C9orf153: variants seen among roughly 807,000 people sequenced by gnomAD.
C9orf153 encodes chromosome 9 open reading frame 153.
In C9orf153, 10 loss-of-function variants were observed where a neutral mutation model predicts 9.0. The ratio of observed to expected loss-of-function variants is 1.11; its 90% CI spans 0.69 to 1.89. The LOEUF (loss-of-function observed/expected upper bound fraction) is 1.89. C9orf153 is among the 40% of genes most tolerant of loss of function. The pLI is 0.00. For synonymous variants in C9orf153, 35 were observed against 37.3 expected (o/e 0.94, Z 0.23); for missense variants, 108 against 111.0 (o/e 0.97, Z 0.12).
chr9:86,251,942 C>CACACACACACACACACACACACGA lies in C9orf153; in HGVS notation c.-27+7607_-27+7608insTCGTGTGTGTGTGTGTGTGTGTGT, dbSNP rs367793280. Among the ~76,000 whole-genome samples, 597 of 149,670 alleles carry CACACACACACACACACACACACGA rather than the reference C, an allele frequency of 4.0e-3. 5 individuals carry two copies. The highest frequency in any genetic ancestry group is 0.014 in the African/African-American group (564 of 40,136). ...ACACACACACACACACACACACACACGAGAGAGAGAGAGGAGAGGGGGAGA... is the reference window on the plus strand; with the variant it reads ...ACACACACACACACACACACACACACACACACACACACACACACACACGAGAGAGAGAGAGAGGAGAGGGGGAGA... On this transcript the variant is annotated intron_variant, in intron 1 of 3. Coordinates refer to ENST00000339137, the MANE Select transcript of C9orf153 (RefSeq NM_001276366.4).
rs1824203375 is a variant in C9orf153, at chr9:86,221,562, G to A, written c.*126C>T. ...ATCAATTTGAGGATAAATGACCAAAGACTTGCGAACTATAGGGGGGAAAAT... is the reference window on the plus strand; with the variant it reads ...ATCAATTTGAGGATAAATGACCAAAAACTTGCGAACTATAGGGGGGAAAAT... On this transcript the variant is annotated 3_prime_UTR_variant, in exon 4 of 4. Coordinates refer to ENST00000339137, the MANE Select transcript of C9orf153 (RefSeq NM_001276366.4). The A allele has an allele frequency of 7.4e-7, 1 of 1,360,000 alleles. No individual in the cohort carries two copies. The highest frequency in any genetic ancestry group is 9.5e-7 in the Non-Finnish European group (1 of 1,053,202). 84.2% of individuals were successfully genotyped at this position (1,360,000 alleles called of 1,614,324 possible).
At chr9:86,223,997 G>A (rs1055850984) in intron 3 of C9orf153, among the ~76,000 whole-genome samples, 4 of 152,170 alleles carry the variant, frequency 2.6e-5, no homozygotes, top group African/African-American at 9.7e-5. Flanking sequence ...GCATGCACCT[G>A]TAGTCCCAGC....
At chr9:86,238,863 G>C (rs1824662639) in intron 1 of C9orf153, among the ~76,000 whole-genome samples, 1 of 151,532 alleles carries the variant, frequency 6.6e-6, no homozygotes, top group East Asian at 1.9e-4. Flanking sequence ...TTACAAAACT[G>C]TACAGAAATG....
intron 1 of C9orf153, among the ~76,000 whole-genome samples, chr9:86,243,174 G>A (rs1273744992): frequency 2.0e-5 from 3 of 152,124 alleles, no homozygotes; most frequent in Non-Finnish European, 4.4e-5. Flanking sequence ...AGTGTCTATC[G>A]AGTTACTATT....
intron 1 of C9orf153, among the ~76,000 whole-genome samples, chr9:86,234,240 T>G (rs146022859): frequency 6.6e-6 from 1 of 152,372 alleles, no homozygotes. Context: ...ATTTCCCATT[T>G]AGTCAGACAG....
Position 86,228,049 on chromosome 9 carries a change from G to A in C9orf153, c.67-19C>T. 1 of 1,539,150 alleles carries A rather than the reference G, an allele frequency of 6.5e-7. No homozygotes were observed. ...CTGGAAGCTGTGGACAAAAAAAAAA[G>A]TGGTAAGTCACGAGACTGACAAAAA... On this transcript the variant is annotated intron_variant, in intron 2 of 3. Coordinates refer to ENST00000339137, the MANE Select transcript of C9orf153 (RefSeq NM_001276366.4).
chr9:86,247,027 CTT>C (rs1824883812), intron 1 of C9orf153, among the ~76,000 whole-genome samples: 1 of 152,202 alleles, frequency 6.6e-6, no homozygotes, highest in African/African-American at 2.4e-5. Flanking sequence ...ACACGGGTCT[CTT>C]TGGGGAAGCC....
intron 1 of C9orf153, among the ~76,000 whole-genome samples, chr9:86,238,414 A>G (rs1824651769): frequency 6.6e-6 from 1 of 152,226 alleles, no homozygotes; most frequent in Admixed American, 6.5e-5. Flanking sequence ...ATTTAAAGGA[A>G]TAGAAAATCA....
chr9:86,222,838 T>C (rs1359971558), intron 3 of C9orf153, among the ~76,000 whole-genome samples: 1 of 152,192 alleles, frequency 6.6e-6, no homozygotes, highest in Non-Finnish European at 1.5e-5. Context: ...GTGACCTTAC[T>C]GTCCCACATG....
intron 3 of C9orf153, 37 bp downstream of exon 3, chr9:86,227,818 C>A: frequency 1.3e-6 from 2 of 1,583,544 alleles, no homozygotes; most frequent in South Asian, 2.3e-5. Flanking sequence ...GGAGCTCAAT[C>A]ATGGATGCTT....
At chr9:86,223,891 A>T (rs1244899571) in intron 3 of C9orf153, among the ~76,000 whole-genome samples, 1 of 152,216 alleles carries the variant, frequency 6.6e-6, no homozygotes, top group Non-Finnish European at 1.5e-5. Flanking sequence ...AGAGAGTGGA[A>T]TCACGGTCAC....
rs374077003 is a variant in C9orf153, at chr9:86,226,800, C to A, written c.242+1055G>T. 2.0e-5 allele frequency among the ~76,000 whole-genome samples: 3 copies of A among 152,066 alleles called. 1 individual carries two copies. Among genetic ancestry groups the A allele is most frequent in the African/African-American group, 7.2e-5 (3 of 41,494 alleles). On this transcript the variant is annotated intron_variant, in intron 3 of 3. Transcript: ENST00000339137. The stretch of plus-strand genomic sequence containing the variant: ...GTTTTTTGAGACAGAGTTTTGTCCT[C>A]GTGGCCCAGGCTTGAGCACAATGGT...
At chr9:86,258,711 T>C (rs1825180233) in intron 1 of C9orf153, 1 of 152,238 alleles carries the variant, frequency 6.6e-6, no homozygotes, top group African/African-American at 2.4e-5. Flanking sequence ...GCAACTATTA[T>C]ATTGCTAATT....
intron 3 of C9orf153, among the ~76,000 whole-genome samples, chr9:86,223,567 G>C (rs993417405): frequency 6.6e-6 from 1 of 152,164 alleles, no homozygotes; most frequent in African/African-American, 2.4e-5. Context: ...GCCTTCCTCT[G>C]CTATAGAGGG....
chr9:86,227,315 TTTTATTTATTTATTTA>T (rs146954955), intron 3 of C9orf153: 3 of 1,425,826 alleles, frequency 2.1e-6, no homozygotes, highest in African/African-American at 1.8e-5. Context: ...CTCAGCTAAT[TTTTATTTATTTATTTA>T]TTTATTTATT....
intron 1 of C9orf153, among the ~76,000 whole-genome samples, chr9:86,243,914 A>G (rs769073084): frequency 2.6e-5 from 4 of 152,222 alleles, no homozygotes; most frequent in Non-Finnish European, 4.4e-5. Context: ...CTAGATCTGC[A>G]TGAAGTTGGA....
At chr9:86,247,250 A>G (rs1259625467) in intron 1 of C9orf153, among the ~76,000 whole-genome samples, 2 of 152,212 alleles carry the variant, frequency 1.3e-5, no homozygotes, top group African/African-American at 4.8e-5. Context: ...TTTGGGGTAC[A>G]GTGAATGCTC....
chr9:86,251,065 T>G (rs1022997098), intron 1 of C9orf153, among the ~76,000 whole-genome samples: 4 of 152,194 alleles, frequency 2.6e-5, no homozygotes, highest in African/African-American at 9.6e-5. Flanking sequence ...GGCCAAATGT[T>G]TAACAATAAT....
At chr9:86,251,210 T>C (rs924832486) in intron 1 of C9orf153, among the ~76,000 whole-genome samples, 7 of 152,234 alleles carry the variant, frequency 4.6e-5, no homozygotes. Flanking sequence ...TATGATATAA[T>C]GCCAAGACAT....
Sources: gnomAD v4.1 joint callset for allele counts (sites outside exome capture counted in the v4.1 genomes callset) on GRCh38, gnomAD v4.1.1 for gene constraint, MANE v1.5 for transcripts, NCBI Gene and HGNC (gene_info 2026-07-23, HGNC 2026-07-21) for gene names.